The following LRRC4C variants were observed in gnomAD, a reference collection of about 807,000 sequenced individuals.
LRRC4C encodes leucine rich repeat containing 4C.
LRRC4C carries 5 observed loss-of-function variants against 33.6 expected under a neutral mutation model. That is an observed-to-expected ratio of 0.15 (90% confidence interval 0.08 to 0.31). The LOEUF (loss-of-function observed/expected upper bound fraction) is 0.31. Ranked by LOEUF, LRRC4C falls within the 10% of genes least tolerant of loss-of-function variation. LRRC4C has a pLI of 1.00. For synonymous variants in LRRC4C, 329 were observed against 302.0 expected (o/e 1.09, Z -0.93); for missense variants, 560 against 796.7 (o/e 0.70, Z 3.58).
intron 2 of LRRC4C, among the ~76,000 whole-genome samples, chr11:40,920,318 C>T (rs1254133557): frequency 2.6e-5 from 4 of 152,234 alleles, no homozygotes; most frequent in South Asian, 4.1e-4. Context: ...TATTTGTATG[C>T]ATATCTGTGT....
chr11:40,887,191 C>T (rs1055449053), intron 2 of LRRC4C, among the ~76,000 whole-genome samples: 1 of 135,526 alleles, frequency 7.4e-6, no homozygotes, highest in Non-Finnish European at 1.6e-5. Flanking sequence ...TTACAAAAGT[C>T]TTCCAGCTAA....
intron 1 of LRRC4C, among the ~76,000 whole-genome samples, chr11:41,385,873 T>A (rs2137940656): frequency 6.6e-6 from 1 of 151,694 alleles, no homozygotes; most frequent in Non-Finnish European, 1.5e-5. Flanking sequence ...AGATGATTTT[T>A]CATGAGTTTC....
At chr11:41,317,419 T>A (rs1405029224) in intron 1 of LRRC4C, among the ~76,000 whole-genome samples, 1 of 152,172 alleles carries the variant, frequency 6.6e-6, no homozygotes, top group Non-Finnish European at 1.5e-5. Flanking sequence ...AAGGATAACT[T>A]TTAAAAATGA....
Position 40,115,312 on chromosome 11 carries a change from A to G in LRRC4C, c.981T>C (p.Cys327=), listed in dbSNP as rs1855346116. The change falls in exon 7 of 7, where the codon TGT becomes TGC. Residue 327 remains cysteine (C), a synonymous_variant. Coordinates refer to ENST00000528697, the MANE Select transcript of LRRC4C (RefSeq NM_001258419.2). The surrounding 1 kb of genome is among the most constrained non-coding windows in gnomAD (Gnocchi z 6.7). ...GATTGGGAGGAGTGTTACACCGGGC[A>G]CAACAAGCTGTGTTCGAGGGGGCCA... The part of the protein sequence containing the change: ...KDMAPSNTAC[C]ARCNTPPNLK... 6.2e-7 allele frequency: 1 copy of G among 1,614,188 alleles called. No individual in the cohort carries two copies. Among genetic ancestry groups the G allele is most frequent in the East Asian group, 2.2e-5 (1 of 44,866 alleles).
At chr11:40,771,272 C>A (rs1591674875) in intron 2 of LRRC4C, among the ~76,000 whole-genome samples, 1 of 152,306 alleles carries the variant, frequency 6.6e-6, no homozygotes, top group East Asian at 1.9e-4. Context: ...GGCTTGCACC[C>A]TGTGAAGCAA....
chr11:41,183,356 G>C (rs958551181), intron 1 of LRRC4C, among the ~76,000 whole-genome samples: 1 of 152,080 alleles, frequency 6.6e-6, no homozygotes. Context: ...TACATTGTAT[G>C]TACTTCCTAC....
intron 1 of LRRC4C, among the ~76,000 whole-genome samples, chr11:41,154,279 C>A (rs1944128842): frequency 6.6e-6 from 1 of 152,064 alleles, no homozygotes; most frequent in Non-Finnish European, 1.5e-5. Flanking sequence ...AAGAGAAAAA[C>A]TTTTCTGTAA....
intron 3 of LRRC4C, among the ~76,000 whole-genome samples, chr11:40,462,041 C>T (rs1394264745): frequency 2.6e-5 from 4 of 151,876 alleles, no homozygotes; most frequent in Non-Finnish European, 5.9e-5. Context: ...TATAATATCT[C>T]TAAATTTCTT....
chr11:40,625,491 G>A (rs373243665), intron 3 of LRRC4C, among the ~76,000 whole-genome samples: 1 of 152,062 alleles, frequency 6.6e-6, no homozygotes, highest in African/African-American at 2.4e-5. Flanking sequence ...TCACTATCAC[G>A]AGAACAGCAT....
At chr11:40,286,803 C>A (rs1001817823) in intron 4 of LRRC4C, among the ~76,000 whole-genome samples, 4 of 152,068 alleles carry the variant, frequency 2.6e-5, no homozygotes, top group African/African-American at 9.7e-5. Context: ...GGGGCCCCAG[C>A]TAACAGGTGA....
intron 1 of LRRC4C, among the ~76,000 whole-genome samples, chr11:41,243,219 C>T (rs754659600): frequency 6.6e-6 from 1 of 152,140 alleles, no homozygotes; most frequent in South Asian, 2.1e-4. Context: ...GAAAACCACT[C>T]ATCATAAAAG....
intron 4 of LRRC4C, among the ~76,000 whole-genome samples, chr11:40,273,649 T>C (rs942340286): frequency 2.6e-5 from 4 of 152,136 alleles, no homozygotes; most frequent in African/African-American, 9.7e-5. Context: ...AGATACTACT[T>C]TCAGGGTTTG....
intron 1 of LRRC4C, among the ~76,000 whole-genome samples, chr11:41,220,619 A>C (rs1428616661): frequency 2.0e-5 from 3 of 152,196 alleles, no homozygotes; most frequent in East Asian, 1.9e-4. Flanking sequence ...TTTACTTAGA[A>C]TATATTGTCT....
chr11:40,590,948 C>G (rs1959022513), intron 3 of LRRC4C, among the ~76,000 whole-genome samples: 1 of 152,158 alleles, frequency 6.6e-6, no homozygotes, highest in Admixed American at 6.5e-5. Context: ...TGTGCCCTGC[C>G]CCCAGAGGTG....
intron 3 of LRRC4C, among the ~76,000 whole-genome samples, chr11:40,646,610 T>C (rs1392064025): frequency 6.6e-6 from 1 of 152,112 alleles, no homozygotes; most frequent in Non-Finnish European, 1.5e-5. Context: ...AAATCTTCTC[T>C]CTCTCTCTTT....
intron 2 of LRRC4C, among the ~76,000 whole-genome samples, chr11:40,717,193 T>A (rs1946771208): frequency 6.6e-6 from 1 of 152,156 alleles, no homozygotes; most frequent in Admixed American, 6.5e-5. Flanking sequence ...TCTTTCTGAA[T>A]GGTTTACTAA....
At chr11:40,269,164 C>T (rs1188326693) in intron 4 of LRRC4C, among the ~76,000 whole-genome samples, 1 of 152,134 alleles carries the variant, frequency 6.6e-6, no homozygotes, top group Non-Finnish European at 1.5e-5. Context: ...CCTCATGCTA[C>T]AAACGTGATA....
intron 1 of LRRC4C, among the ~76,000 whole-genome samples, chr11:41,238,386 CAT>C (rs1325594882): frequency 1.3e-5 from 2 of 152,080 alleles, no homozygotes; most frequent in African/African-American, 2.4e-5. Flanking sequence ...ATTAAAATAA[CAT>C]ATTATAATTG....
intron 1 of LRRC4C, among the ~76,000 whole-genome samples, chr11:41,093,950 A>AAAC (rs1555071891): frequency 7.0e-6 from 1 of 143,474 alleles, no homozygotes; most frequent in Non-Finnish European, 1.5e-5. Flanking sequence ...AAAAAAAAAA[A>AAAC]CACACAAAAA....
Sources: gnomAD v4.1 joint callset for allele counts (sites outside exome capture counted in the v4.1 genomes callset) on GRCh38, gnomAD v4.1.1 for gene constraint, Gnocchi (gnomAD v3.1) non-coding constraint, MANE v1.5 for transcripts, NCBI Gene and HGNC (gene_info 2026-07-23, HGNC 2026-07-21) for gene names.